The following ROBO2 variants were observed in gnomAD, a reference collection of about 807,000 sequenced individuals.
ROBO2 encodes the protein roundabout guidance receptor 2.
In ROBO2, 53 loss-of-function variants were observed where a neutral mutation model predicts 160.8. That is an observed-to-expected ratio of 0.33 (90% CI 0.26 to 0.41). The LOEUF is 0.41. ROBO2 is among the 10% of genes least tolerant of loss of function. The pLI is 1.00. For synonymous variants in ROBO2, 664 were observed against 611.7 expected (o/e 1.09, Z -1.26); for missense variants, 1,577 against 1,722.4 (o/e 0.92, Z 1.49).
intron 2 of ROBO2, among the ~76,000 whole-genome samples, chr3:76,843,584 A>C (rs182176994): frequency 7.9e-5 from 12 of 152,026 alleles, no homozygotes; most frequent in African/African-American, 2.9e-4. Flanking sequence ...TGATTTTTAC[A>C]TCAAAACTTT....
intron 2 of ROBO2, among the ~76,000 whole-genome samples, chr3:76,242,571 A>T (rs1333638533): frequency 6.6e-6 from 1 of 152,020 alleles, no homozygotes; most frequent in East Asian, 1.9e-4. Context: ...CATGTTCCCA[A>T]ATAAATCTCC....
intron 2 of ROBO2, among the ~76,000 whole-genome samples, chr3:76,591,670 G>A (rs2086426843): frequency 6.6e-6 from 1 of 151,890 alleles, no homozygotes; most frequent in Non-Finnish European, 1.5e-5. Flanking sequence ...ATTTATTTCA[G>A]AAATAAGAAG....
intron 2 of ROBO2, among the ~76,000 whole-genome samples, chr3:77,434,831 A>G (rs1281509956): frequency 6.6e-6 from 1 of 152,084 alleles, no homozygotes; most frequent in African/African-American, 2.4e-5. Context: ...GCTTCACTGG[A>G]TACCCTTTTA....
intron 2 of ROBO2, among the ~76,000 whole-genome samples, chr3:76,041,391 A>G (rs1411878157): frequency 1.3e-5 from 2 of 152,042 alleles, no homozygotes; most frequent in African/African-American, 2.4e-5. Context: ...TCAGACCTCA[A>G]GGAGGAAGTT....
At position 77,252,834 on chromosome 3, in the gene ROBO2, ATAT is replaced by A. The variant is rs1553872401; in HGVS notation, c.388+154495_388+154497del. Among the ~76,000 whole-genome samples the A allele has an allele frequency of 6.8e-4, 74 of 108,226 alleles. 2 individuals carry two copies. Among genetic ancestry groups the A allele is most frequent in the Non-Finnish European group, 1.1e-3 (57 of 50,368 alleles). 71.0% of individuals were successfully genotyped at this position (108,226 alleles called of 152,430 possible). A position where few individuals can be genotyped will look rare whatever the true frequency, so the allele number is the denominator to read the frequency against. Reference sequence around the variant, plus strand: ...AAAAAAAAAAAAAAAAAAAAAAAATATATATATATATATATATGAAAAATAAAC... The same window carrying A: ...AAAAAAAAAAAAAAAAAAAAAAAATAATATATATATATATGAAAAATAAAC... On this transcript the variant is annotated intron_variant, in intron 2 of 25. Coordinates refer to ENST00000461745, the Ensembl canonical transcript of ROBO2.
intron 2 of ROBO2, among the ~76,000 whole-genome samples, chr3:77,319,933 G>A (rs563516180): frequency 6.6e-6 from 1 of 152,230 alleles, no homozygotes; most frequent in South Asian, 2.1e-4. Flanking sequence ...AGATAACAAC[G>A]TGGTCAATCC....
At chr3:76,993,814 C>T (rs2149383884) in intron 2 of ROBO2, among the ~76,000 whole-genome samples, 1 of 151,982 alleles carries the variant, frequency 6.6e-6, no homozygotes, top group South Asian at 2.1e-4. Flanking sequence ...CATGCATTTC[C>T]TGTCAACCAT....
chr3:75,934,457 CA>C (rs1217266673), intron 1 of ROBO2, among the ~76,000 whole-genome samples: 7 of 152,106 alleles, frequency 4.6e-5, no homozygotes, highest in Non-Finnish European at 5.9e-5. Flanking sequence ...GTTCATCTAC[CA>C]TGCTTCTTAC....
chr3:77,253,527 A>C (rs1029817215), intron 2 of ROBO2, among the ~76,000 whole-genome samples: 1 of 152,218 alleles, frequency 6.6e-6, no homozygotes, highest in Non-Finnish European at 1.5e-5. Flanking sequence ...ATCTATTATG[A>C]GGTGTCTGTC....
chr3:77,206,429 T>C (rs903993578), intron 2 of ROBO2, among the ~76,000 whole-genome samples: 3 of 152,002 alleles, frequency 2.0e-5, no homozygotes, highest in Non-Finnish European at 4.4e-5. Flanking sequence ...TGGCCTCCTA[T>C]AGTGCTGGGA....
intron 1 of ROBO2, among the ~76,000 whole-genome samples, chr3:77,067,847 T>G (rs180947590): frequency 1.3e-5 from 2 of 152,312 alleles, no homozygotes; most frequent in East Asian, 3.9e-4. Context: ...TACCAGGTTA[T>G]CCCAATTTTA....
intron 2 of ROBO2, among the ~76,000 whole-genome samples, chr3:76,910,741 A>G (rs1001872813): frequency 1.4e-4 from 19 of 139,712 alleles, no homozygotes; most frequent in Admixed American, 8.6e-4. Flanking sequence ...AAAAAAAAAA[A>G]AAAGAAAAAA....
chr3:76,615,144 T>C (rs543747969), intron 2 of ROBO2, among the ~76,000 whole-genome samples: 2 of 152,300 alleles, frequency 1.3e-5, no homozygotes, highest in African/African-American at 2.4e-5. Context: ...GGATAGTTTT[T>C]TATGTTATTA....
At chr3:76,306,844 C>T (rs1456221342) in intron 2 of ROBO2, among the ~76,000 whole-genome samples, 1 of 152,196 alleles carries the variant, frequency 6.6e-6, no homozygotes, top group Non-Finnish European at 1.5e-5. Context: ...TTTATTCCCA[C>T]TGTTTTCAGT....
intron 2 of ROBO2, among the ~76,000 whole-genome samples, chr3:76,302,236 T>TA (rs1401118463): frequency 6.6e-6 from 1 of 152,034 alleles, no homozygotes; most frequent in Non-Finnish European, 1.5e-5. Flanking sequence ...ATTGCAAAAA[T>TA]ACGCAGTTTT....
intron 17 of ROBO2, 136 bp downstream of exon 18, chr3:77,589,069 T>C: frequency 1.1e-6 from 1 of 942,138 alleles, no homozygotes; most frequent in Non-Finnish European, 1.7e-6. Context: ...GCAATTACAC[T>C]CAACATGCTT....
chr3:77,063,024 C>A (rs1341646488), intron 1 of ROBO2, among the ~76,000 whole-genome samples: 1 of 152,062 alleles, frequency 6.6e-6, no homozygotes, highest in East Asian at 1.9e-4. Flanking sequence ...TATTATACTG[C>A]TGTGGGAATT....
chr3:77,511,900 A>C (rs1267586697), intron 5 of ROBO2, among the ~76,000 whole-genome samples: 2 of 151,888 alleles, frequency 1.3e-5, no homozygotes, highest in Non-Finnish European at 2.9e-5. Context: ...ATGCTGTGAA[A>C]ATTTTTATTT....
intron 2 of ROBO2, among the ~76,000 whole-genome samples, chr3:76,175,441 A>G (rs961433939): frequency 6.6e-6 from 1 of 152,048 alleles, no homozygotes; most frequent in African/African-American, 2.4e-5. Flanking sequence ...TCTAGTCTGA[A>G]CGTTGATTGA....
Sources: allele counts gnomAD v4.1 joint callset (sites outside exome capture counted in the v4.1 genomes callset), GRCh38; gene constraint gnomAD v4.1.1; transcripts MANE v1.5; gene names NCBI Gene and HGNC (gene_info 2026-07-23, HGNC 2026-07-21).